The following CD28 variants were observed in gnomAD, a reference collection of about 807,000 sequenced individuals.
CD28 encodes the protein CD28 molecule, also known as T-cell-specific surface glycoprotein CD28.
Under a neutral mutation model 21.4 loss-of-function variants are expected in CD28, and 8 were observed. The ratio of observed to expected loss-of-function variants is 0.37; its 90% CI spans 0.22 to 0.68. The LOEUF is 0.68. Among genes scored for constraint, CD28 ranks in the 30% least tolerant of loss-of-function variants. CD28 has a pLI of 0.55. For missense variants in CD28, 239 were observed against 272.2 expected, an observed-to-expected ratio of 0.88 and a Z score of 0.86; for synonymous variants, 106 against 104.0, an observed-to-expected ratio of 1.02 and a Z score of -0.12.
At chr2:203,707,067 C>T (rs868041962) in intron 1 of CD28, among the ~76,000 whole-genome samples, 26 of 152,048 alleles carry the variant, frequency 1.7e-4, no homozygotes, top group Admixed American at 3.9e-4. Context: ...TGGTCTCAAA[C>T]TTCTGAGCTC....
intron 1 of CD28, among the ~76,000 whole-genome samples, chr2:203,726,306 A>G (rs1381152707): frequency 6.6e-6 from 1 of 152,204 alleles, no homozygotes; most frequent in Non-Finnish European, 1.5e-5. Context: ...AATTGGCCCA[A>G]TGCATGATTA....
At chr2:203,719,076 T>G (rs1183143663) in intron 1 of CD28, among the ~76,000 whole-genome samples, 1 of 152,236 alleles carries the variant, frequency 6.6e-6, no homozygotes, top group Non-Finnish European at 1.5e-5. Flanking sequence ...AAATGTATTT[T>G]TTTCTAGATA....
intron 1 of CD28, among the ~76,000 whole-genome samples, chr2:203,713,289 G>A (rs1693365393): frequency 6.6e-6 from 1 of 152,138 alleles, no homozygotes. Flanking sequence ...CTTATCTTTG[G>A]AATGAAGCTG....
chr2:203,730,027 G>C (rs1434064823), intron 3 of CD28, among the ~76,000 whole-genome samples: 1 of 152,146 alleles, frequency 6.6e-6, no homozygotes, highest in Non-Finnish European at 1.5e-5. Flanking sequence ...AATTAGGGTG[G>C]AGGGATTAGG....
chr2:203,719,415 T>G (rs1693548538), intron 1 of CD28, among the ~76,000 whole-genome samples: 1 of 152,192 alleles, frequency 6.6e-6, no homozygotes, highest in South Asian at 2.1e-4. Flanking sequence ...ACTCCCCTAC[T>G]TAATGGTAAT....
At chr2:203,711,896 T>C (rs1186703989) in intron 1 of CD28, among the ~76,000 whole-genome samples, 1 of 152,038 alleles carries the variant, frequency 6.6e-6, no homozygotes, top group Middle Eastern at 3.2e-3. Flanking sequence ...TCAGAGAATA[T>C]AAAAAGAAAT....
intron 3 of CD28, among the ~76,000 whole-genome samples, chr2:203,733,130 C>T (rs1693941005): frequency 6.6e-6 from 1 of 152,162 alleles, no homozygotes; most frequent in South Asian, 2.1e-4. Flanking sequence ...TCACCCCTGC[C>T]CTGCTGTGAT....
intron 1 of CD28, among the ~76,000 whole-genome samples, chr2:203,707,340 A>G (rs1414252962): frequency 6.6e-6 from 1 of 152,100 alleles, no homozygotes; most frequent in African/African-American, 2.4e-5. Flanking sequence ...CTTAACTGTA[A>G]AGTGGGAATA....
rs1343931687 is a variant in CD28 at position 203,737,917 on chromosome 2, G to A, written c.*3005G>A. On this transcript the variant is annotated 3_prime_UTR_variant, in exon 4 of 4. Coordinates refer to ENST00000324106, the MANE Select transcript of CD28 (RefSeq NM_006139.4). ...TTTCAGAATAGATATGCTTCGCTTT[G>A]GCAAGGAATTTGGATAGAACTTGCT... The A allele has an allele frequency of 6.6e-6, 1 of 152,366 alleles. No individual in the cohort carries two copies. Among genetic ancestry groups the A allele is most frequent in the Non-Finnish European group, 1.5e-5 (1 of 68,034 alleles). 9.4% of individuals were successfully genotyped at this position (152,366 alleles called of 1,614,324 possible). A position where few individuals can be genotyped will look rare whatever the true frequency, so the allele number is the denominator to read the frequency against.
intron 1 of CD28, among the ~76,000 whole-genome samples, chr2:203,721,574 C>T (rs866566919): frequency 2.0e-5 from 3 of 151,972 alleles, no homozygotes; most frequent in Non-Finnish European, 4.4e-5. Context: ...CCCCAGTCCC[C>T]AACACAAAGA....
intron 2 of CD28, among the ~76,000 whole-genome samples, chr2:203,727,641 G>A (rs1693789268): frequency 6.7e-6 from 1 of 148,530 alleles, no homozygotes. Context: ...ACCACGCCTG[G>A]CTTATTTTTT....
At chr2:203,727,062 G>C (rs921012038) in intron 2 of CD28, 73 bp downstream of exon 2, 2 of 909,714 alleles carry the variant, frequency 2.2e-6, no homozygotes, top group Non-Finnish European at 3.6e-6. Context: ...ACTGGGTTGT[G>C]GTCAGTGGTG....
At chr2:203,708,957 T>G (rs1478698566) in intron 1 of CD28, among the ~76,000 whole-genome samples, 2 of 151,956 alleles carry the variant, frequency 1.3e-5, no homozygotes, top group Non-Finnish European at 2.9e-5. Context: ...CCATCTCTAC[T>G]AAAAATACAA....
chr2:203,734,991 C>T lies in CD28; in HGVS notation c.*79C>T. The T allele has an allele frequency of 1.3e-6, 2 of 1,531,204 alleles. No individual in the cohort carries two copies. Among genetic ancestry groups the T allele is most frequent in the East Asian group, 2.3e-5 (1 of 43,922 alleles). The allele number at this position is 1,531,204 out of a possible 1,614,324, so 94.9% of individuals were successfully genotyped here. A position where few individuals can be genotyped will look rare whatever the true frequency, so the allele number is the denominator to read the frequency against. On this transcript the variant is annotated 3_prime_UTR_variant, in exon 4 of 4. Transcript: ENST00000324106. ...CACTGCTCTGGATAGGAAATGACCG[C>T]CATCTCCAGCCGGCCACCTCAGGCC...
At chr2:203,707,633 G>A (rs766165340) in intron 1 of CD28, among the ~76,000 whole-genome samples, 2 of 152,280 alleles carry the variant, frequency 1.3e-5, no homozygotes, top group East Asian at 3.9e-4. Flanking sequence ...AGCACTTTGA[G>A]CAGCACACAG....
chr2:203,714,877 T>C (rs7425641), intron 1 of CD28, among the ~76,000 whole-genome samples: 138,487 of 152,226 alleles, frequency 0.91, 63,049 homozygotes, highest in East Asian at 0.99. Flanking sequence ...TGCTGGACTT[T>C]GAGGGGGCAA....
chr2:203,719,243 T>C (rs1559552602), intron 1 of CD28, among the ~76,000 whole-genome samples: 1 of 146,464 alleles, frequency 6.8e-6, no homozygotes, highest in Non-Finnish European at 1.5e-5. Flanking sequence ...TTACTTCTTC[T>C]CTTTTTTTCC....
At position 203,729,668 on chromosome 2, in the gene CD28, C is replaced by G; in HGVS notation, c.430C>G (p.Pro144Ala). 6.2e-7 allele frequency: 1 copy of G among 1,613,922 alleles called. No individual in the cohort carries two copies. Among genetic ancestry groups the G allele is most frequent in the Non-Finnish European group, 8.5e-7 (1 of 1,179,820 alleles). Residue 144 changes from proline to alanine, a missense_variant, in exon 3 of 4, where the codon CCC becomes GCC. This residue lies in a region of CD28 where 112 missense variants were observed against 112.8 expected (regional missense o/e 0.99). Transcript: ENST00000324106. ...TTCAGGGAAACACCTTTGTCCAAGT[C>G]CCCTATTTCCCGGACCTTCTAAGCC... ...HVKGKHLCPSPLFPGPSKPFW... is the reference protein window; with the variant it reads ...HVKGKHLCPSALFPGPSKPFW...
chr2:203,712,069 G>A (rs1253676020), intron 1 of CD28, among the ~76,000 whole-genome samples: 6 of 152,092 alleles, frequency 3.9e-5, no homozygotes, highest in Non-Finnish European at 8.8e-5. Flanking sequence ...GTACACACCT[G>A]TAGTCCCAGC....
Sources: allele counts gnomAD v4.1 joint callset (sites outside exome capture counted in the v4.1 genomes callset), GRCh38; gene constraint gnomAD v4.1.1; regional missense constraint gnomAD v4.1.1; transcripts MANE v1.5; gene names NCBI Gene and HGNC (gene_info 2026-07-23, HGNC 2026-07-21).